The following ADGRL2 variants were observed in gnomAD, a reference collection of about 807,000 sequenced individuals.
The protein encoded by ADGRL2 is adhesion G protein-coupled receptor L2, also known as calcium-independent alpha-latrotoxin receptor 2.
In ADGRL2, 44 loss-of-function variants were observed where a neutral mutation model predicts 157.4. That is an observed-to-expected ratio of 0.28 (90% CI 0.22 to 0.36). ADGRL2 has a LOEUF of 0.36. Among genes scored for constraint, ADGRL2 ranks in the 10% least tolerant of loss-of-function variants. The probability of loss-of-function intolerance (pLI) is 1.00; values close to 1 mark genes in which losing one functional copy is unlikely to be tolerated. For synonymous variants in ADGRL2, 585 were observed against 624.7 expected (o/e 0.94, Z 0.95); for missense variants, 1,510 against 1,768.9 (o/e 0.85, Z 2.63).
Position 81,955,881 on chromosome 1 carries a change from T to C in ADGRL2, c.1838T>C (p.Ile613Thr), listed in dbSNP as rs368524872. 50 of 1,573,220 alleles carry C rather than the reference T, an allele frequency of 3.2e-5. No individual in the cohort carries two copies. The highest frequency in any genetic ancestry group is 4.0e-5 in the Non-Finnish European group (46 of 1,162,326). Reference protein sequence around the residue: ...EKTCRAYLKAIVDTVDNLLRP... With the variant: ...EKTCRAYLKATVDTVDNLLRP... ...ATAGTTTTCTAATGGATACAGGCAA[T>C]TGTTGACACAGTGGACAACCTTCTG... is the stretch of plus-strand genomic sequence containing the variant. The change falls in exon 11 of 24, where the codon ATT (isoleucine) becomes ACT (threonine). Residue 613 changes from isoleucine (I) to threonine (T), a missense_variant. Ile to Thr is a moderately conservative substitution (Grantham distance 89). This residue lies in a region of ADGRL2 where 325 missense variants were observed against 333.2 expected (regional missense o/e 0.98). Coordinates refer to ENST00000686636, the MANE Select transcript of ADGRL2 (RefSeq NM_001366006.2).
chr1:81,485,184 A>AC (rs972621940), intron 2 of ADGRL2, among the ~76,000 whole-genome samples: 1 of 152,020 alleles, frequency 6.6e-6, no homozygotes, highest in Non-Finnish European at 1.5e-5. Flanking sequence ...GCACAAAAAA[A>AC]AAAAAAAAGT....
intron 1 of ADGRL2, among the ~76,000 whole-genome samples, chr1:81,706,237 ATT>A (rs1557582151): frequency 2.6e-5 from 4 of 151,620 alleles, no homozygotes; most frequent in Non-Finnish European, 5.9e-5. Flanking sequence ...AAATAAAAAA[ATT>A]TTTTTAAAAA....
chr1:81,883,652 T>C (rs1571898861), intron 2 of ADGRL2, among the ~76,000 whole-genome samples: 2 of 152,196 alleles, frequency 1.3e-5, no homozygotes, highest in South Asian at 2.1e-4. Flanking sequence ...CACAGAACTT[T>C]TGTTTTACAT....
intron 2 of ADGRL2, among the ~76,000 whole-genome samples, chr1:81,486,371 T>C (rs1474372880): frequency 6.6e-6 from 1 of 152,128 alleles, no homozygotes; most frequent in African/African-American, 2.4e-5. Context: ...AGAGTCACTG[T>C]TTTTGTGTGA....
chr1:81,624,987 T>A (rs939156815), intron 3 of ADGRL2, among the ~76,000 whole-genome samples: 1 of 152,232 alleles, frequency 6.6e-6, no homozygotes, highest in Non-Finnish European at 1.5e-5. Flanking sequence ...TCTTTGGTGA[T>A]CATGACAATA....
At chr1:81,535,665 A>G (rs2079717693) in intron 2 of ADGRL2, among the ~76,000 whole-genome samples, 1 of 152,194 alleles carries the variant, frequency 6.6e-6, no homozygotes, top group African/African-American at 2.4e-5. Context: ...ACTTGGGGTT[A>G]TATGTTTTTA....
In ADGRL2 at chr1:81,844,783, G is replaced by T. The variant is rs370136981; in HGVS notation, c.73+7726G>T. The stretch of plus-strand genomic sequence containing the variant: ...AAATGTAAAGCTGAGAAGGGAATAC[G>T]TATCAGCACTTCAGGAAGCAGAAAC... On this transcript the variant is annotated intron_variant, in intron 2 of 23. Coordinates refer to ENST00000686636, the MANE Select transcript of ADGRL2 (RefSeq NM_001366006.2). 2.8e-4 allele frequency among the ~76,000 whole-genome samples: 43 copies of T among 152,236 alleles called. No homozygotes were observed. The South Asian group carries it at 8.3e-3, about 29-fold the overall frequency.
chr1:81,519,917 G>A (rs2079272544), intron 2 of ADGRL2, among the ~76,000 whole-genome samples: 2 of 152,214 alleles, frequency 1.3e-5, no homozygotes, highest in South Asian at 4.1e-4. Flanking sequence ...ACTAAGTCTA[G>A]GGATGGGCAT....
intron 3 of ADGRL2, among the ~76,000 whole-genome samples, chr1:81,682,321 G>A (rs2148958579): frequency 6.6e-6 from 1 of 151,960 alleles, no homozygotes; most frequent in Admixed American, 6.6e-5. Flanking sequence ...TAGGACTGAG[G>A]AAAAAAATAT....
At chr1:81,409,443 C>T (rs956028501) in intron 1 of ADGRL2, among the ~76,000 whole-genome samples, 1 of 152,176 alleles carries the variant, frequency 6.6e-6, no homozygotes, top group Non-Finnish European at 1.5e-5. Flanking sequence ...CTCTAAAATT[C>T]AGAGGATACC....
intron 3 of ADGRL2, among the ~76,000 whole-genome samples, chr1:81,628,547 T>G (rs916786181): frequency 6.6e-6 from 1 of 152,168 alleles, no homozygotes; most frequent in East Asian, 1.9e-4. Flanking sequence ...TGTGAGGAAC[T>G]TGAGATTATA....
At chr1:81,589,650 T>C (rs1296501796) in intron 3 of ADGRL2, among the ~76,000 whole-genome samples, 1 of 152,230 alleles carries the variant, frequency 6.6e-6, no homozygotes, top group Non-Finnish European at 1.5e-5. Flanking sequence ...CCTTCACCTA[T>C]GTATCCTTTA....
chr1:81,364,466 C>T (rs2076029920), intron 1 of ADGRL2, among the ~76,000 whole-genome samples: 1 of 152,098 alleles, frequency 6.6e-6, no homozygotes, highest in Admixed American at 6.6e-5. Flanking sequence ...AAGGTTAACT[C>T]TGTTGTCTGA....
At chr1:81,654,595 C>G (rs761574484) in intron 3 of ADGRL2, among the ~76,000 whole-genome samples, 1 of 152,176 alleles carries the variant, frequency 6.6e-6, no homozygotes, top group Non-Finnish European at 1.5e-5. Context: ...CAAAACTGCT[C>G]CTAGGTATTC....
chr1:81,383,539 T>C (rs1298167050), intron 1 of ADGRL2, among the ~76,000 whole-genome samples: 4 of 151,982 alleles, frequency 2.6e-5, no homozygotes, highest in Admixed American at 2.6e-4. Flanking sequence ...TCTCTGATAA[T>C]TTTTTAAAAT....
At chr1:81,634,752 C>T (rs76374785) in intron 3 of ADGRL2, among the ~76,000 whole-genome samples, 1 of 151,930 alleles carries the variant, frequency 6.6e-6, no homozygotes, top group Admixed American at 6.6e-5. Context: ...CAACTTCTTA[C>T]CTCAGGTGAT....
chr1:81,359,782 A>C (rs2075944868), intron 1 of ADGRL2, among the ~76,000 whole-genome samples: 1 of 151,968 alleles, frequency 6.6e-6, no homozygotes, highest in African/African-American at 2.4e-5. Context: ...TGTTTCTCTT[A>C]GTCTTCCACA....
chr1:81,917,525 G>A (rs2094884715), intron 3 of ADGRL2, among the ~76,000 whole-genome samples: 1 of 152,010 alleles, frequency 6.6e-6, no homozygotes, highest in East Asian at 1.9e-4. Context: ...GAAAAAAATA[G>A]AAGTAAATGA....
chr1:81,589,690 G>GTATT (rs897185910), intron 3 of ADGRL2, among the ~76,000 whole-genome samples: 1 of 152,140 alleles, frequency 6.6e-6, no homozygotes, highest in Non-Finnish European at 1.5e-5. Flanking sequence ...TATGAAAGTA[G>GTATT]TATTTATTTA....
Sources: gnomAD v4.1 joint callset for allele counts (sites outside exome capture counted in the v4.1 genomes callset) on GRCh38, gnomAD v4.1.1 for gene constraint, gnomAD v4.1.1 regional missense constraint, MANE v1.5 for transcripts, NCBI Gene and HGNC (gene_info 2026-07-23, HGNC 2026-07-21) for gene names.